The following RAD51B variants were observed in gnomAD, a reference collection of about 807,000 sequenced individuals.
The protein encoded by RAD51B is RAD51 paralog B, also known as DNA repair protein RAD51 homolog 2.
In RAD51B, 38 loss-of-function variants were observed where a neutral mutation model predicts 42.2. The observed-to-expected ratio is 0.90, with a 90% CI of 0.70 to 1.18. The LOEUF (loss-of-function observed/expected upper bound fraction) is 1.18. Ranked by LOEUF, RAD51B falls within the 50% of genes most tolerant of loss-of-function variation. The pLI, the probability that RAD51B is intolerant of heterozygous loss-of-function variation, is 0.00. For missense variants in RAD51B, 373 were observed against 400.7 expected, an observed-to-expected ratio of 0.93 and a Z score of 0.59; for synonymous variants, 154 against 145.2, an observed-to-expected ratio of 1.06 and a Z score of -0.43.
At chr14:68,090,069 T>G (rs1328564709) in intron 7 of RAD51B, among the ~76,000 whole-genome samples, 2 of 152,190 alleles carry the variant, frequency 1.3e-5, no homozygotes, top group Non-Finnish European at 2.9e-5. Flanking sequence ...AGTGGCCAAA[T>G]TATTTTCTTA....
intron 9 of RAD51B, among the ~76,000 whole-genome samples, chr14:68,448,451 G>A (rs1594853626): frequency 6.6e-6 from 1 of 152,102 alleles, no homozygotes; most frequent in Admixed American, 6.5e-5. Flanking sequence ...TCAAACCTGG[G>A]CCATTTAGCT....
At chr14:68,052,372 C>CT (rs796853850) in intron 7 of RAD51B, among the ~76,000 whole-genome samples, 112 of 145,930 alleles carry the variant, frequency 7.7e-4, no homozygotes, top group East Asian at 3.2e-3. Flanking sequence ...GGTATATTTA[C>CT]TTTTTTTTTT....
At chr14:68,166,318 A>G (rs748952903) in intron 7 of RAD51B, among the ~76,000 whole-genome samples, 6 of 152,252 alleles carry the variant, frequency 3.9e-5, no homozygotes, top group Middle Eastern at 3.4e-3. Flanking sequence ...CAATAGGTAC[A>G]AAATACTAAT....
intron 7 of RAD51B, among the ~76,000 whole-genome samples, chr14:67,950,172 A>C (rs1189581807): frequency 6.6e-6 from 1 of 152,052 alleles, no homozygotes; most frequent in Non-Finnish European, 1.5e-5. Flanking sequence ...CCAGGCACTG[A>C]CTTCTGCTCT....
At chr14:68,045,383 A>G (rs1422754636) in intron 7 of RAD51B, among the ~76,000 whole-genome samples, 2 of 152,076 alleles carry the variant, frequency 1.3e-5, no homozygotes, top group Non-Finnish European at 2.9e-5. Context: ...TCTCACACAC[A>G]GTGCCTTTTA....
At chr14:68,411,353 G>A (rs2084414300) in intron 8 of RAD51B, 71 bp from the exon 9 acceptor site, 3 of 1,299,308 alleles carry the variant, frequency 2.3e-6, no homozygotes, top group Non-Finnish European at 2.2e-6. Context: ...AATGAGTAAT[G>A]TCTGGACTTC....
intron 7 of RAD51B, among the ~76,000 whole-genome samples, chr14:68,030,725 A>G (rs1332075834): frequency 6.6e-6 from 1 of 152,204 alleles, no homozygotes; most frequent in Non-Finnish European, 1.5e-5. Context: ...TTTCATTTGC[A>G]TTCACAGCTT....
chr14:68,423,313 T>TC (rs1374992845), intron 9 of RAD51B, among the ~76,000 whole-genome samples: 1 of 152,024 alleles, frequency 6.6e-6, no homozygotes. Flanking sequence ...TTGAAAACAA[T>TC]CCCCCCAAAG....
intron 4 of RAD51B, among the ~76,000 whole-genome samples, chr14:67,840,254 G>A (rs2041381005): frequency 6.6e-6 from 1 of 152,138 alleles, no homozygotes; most frequent in Admixed American, 6.6e-5. Flanking sequence ...TCCCCAATAA[G>A]TAGTTTTTTT....
chr14:68,342,731 G>A (rs74949287), intron 8 of RAD51B, among the ~76,000 whole-genome samples: 1 of 43,776 alleles, frequency 2.3e-5, no homozygotes, highest in African/African-American at 3.8e-5. Flanking sequence ...AAGGACACTT[G>A]GGGAGCAGAT....
chr14:68,596,377 G>A (rs1273588405), downstream of RAD51B, among the ~76,000 whole-genome samples: 1 of 152,102 alleles, frequency 6.6e-6, no homozygotes, highest in East Asian at 1.9e-4. Context: ...TTCAACCATG[G>A]GGGTGATTCA....
chr14:68,555,599 T>C (rs936965864), intron 10 of RAD51B, among the ~76,000 whole-genome samples: 3 of 152,226 alleles, frequency 2.0e-5, no homozygotes, highest in African/African-American at 4.8e-5. Context: ...GGGTGAATCC[T>C]GGGCTGTTTG....
In RAD51B at chr14:67,887,154, G is replaced by T; in HGVS notation, c.706G>T (p.Ala236Ser). 6.2e-7 allele frequency: 1 copy of T among 1,612,232 alleles called. No individual in the cohort carries two copies. Among genetic ancestry groups the T allele is most frequent in the South Asian group, 1.1e-5 (1 of 90,792 alleles). ...GNLKERNKFL[A>S]REASSLKYLA... ...TCTCAAAGAAAGAAACAAGTTCTTG[G>T]CAAGAGAGGCATCCTCCTTGAAGTA... Residue 236 changes from alanine to serine, a missense_variant, in exon 7 of 11, where the codon GCA becomes TCA. Transcript: ENST00000471583.
At chr14:68,402,465 A>G (rs1033444962) in intron 8 of RAD51B, among the ~76,000 whole-genome samples, 2 of 152,148 alleles carry the variant, frequency 1.3e-5, no homozygotes, top group Admixed American at 1.3e-4. Flanking sequence ...AATGAATTGA[A>G]TCCTTCTGAT....
intron 6 of RAD51B, 126 bp from the exon 7 acceptor site, chr14:67,886,895 G>T: frequency 1.7e-6 from 1 of 592,056 alleles, no homozygotes. Flanking sequence ...CTGAATTCTT[G>T]CAAATCATTA....
At chr14:68,399,556 T>A (rs955776428) in intron 8 of RAD51B, among the ~76,000 whole-genome samples, 1 of 152,156 alleles carries the variant, frequency 6.6e-6, no homozygotes, top group African/African-American at 2.4e-5. Flanking sequence ...CAAGCCCAGC[T>A]CTTTACCTGA....
intron 10 of RAD51B, among the ~76,000 whole-genome samples, chr14:68,532,001 C>A (rs1333114446): frequency 3.3e-5 from 5 of 152,060 alleles, no homozygotes; most frequent in African/African-American, 1.2e-4. Flanking sequence ...AAATAAAAAC[C>A]AAAGTCCAAC....
rs1322540705 is a variant in RAD51B at position 68,075,488 on chromosome 14, T to C, written c.756+188284T>C. Among the ~76,000 whole-genome samples, 3 of 151,932 alleles carry C rather than the reference T, an allele frequency of 2.0e-5. 1 individual carries two copies. The highest frequency in any genetic ancestry group is 4.4e-5 in the Non-Finnish European group (3 of 67,954). On this transcript the variant is annotated intron_variant, in intron 7 of 10. Coordinates refer to ENST00000471583, the MANE Select transcript of RAD51B (RefSeq NM_133510.4). ...GCCAAGGGCTCTGCCTGGTGAAGAC[T>C]AGGGAGGTGGAGGCTGACAAGGAAG...
intron 8 of RAD51B, among the ~76,000 whole-genome samples, chr14:68,391,177 TCTTTC>T (rs989101266): frequency 6.6e-6 from 1 of 150,400 alleles, no homozygotes; most frequent in African/African-American, 2.5e-5. Context: ...TTTCTTTCTT[TCTTTC>T]TTCTTTCCTT....
Sources: allele counts gnomAD v4.1 joint callset (sites outside exome capture counted in the v4.1 genomes callset), GRCh38; gene constraint gnomAD v4.1.1; transcripts MANE v1.5; gene names NCBI Gene and HGNC (gene_info 2026-07-23, HGNC 2026-07-21).